Variants in ADGRB2 observed in about 807,000 individuals in gnomAD.
ADGRB2 encodes the protein brain-specific angiogenesis inhibitor 2.
In ADGRB2, 47 loss-of-function variants were observed where a neutral mutation model predicts 178.7. The observed-to-expected ratio is 0.26, with a 90% CI of 0.21 to 0.34. The LOEUF (loss-of-function observed/expected upper bound fraction) is 0.34. ADGRB2 is among the 10% of genes least tolerant of loss of function. The probability of loss-of-function intolerance (pLI) is 1.00; values close to 1 mark genes in which losing one functional copy is unlikely to be tolerated. For missense variants in ADGRB2, 1,584 were observed against 2,180.8 expected (o/e 0.73, Z 5.45); for synonymous variants, 870 against 912.4 (o/e 0.95, Z 0.84).
At chr1:31,748,943 T>A (rs552469000) in intron 4 of ADGRB2, among the ~76,000 whole-genome samples, 1 of 152,326 alleles carries the variant, frequency 6.6e-6, no homozygotes, top group South Asian at 2.1e-4. Flanking sequence ...AGAGAGAGGC[T>A]GAGGTGGGAT....
chr1:31,736,772 C>T (rs1415221499), intron 20 of ADGRB2, 49 bp from the exon 21 acceptor site: 1 of 1,579,904 alleles, frequency 6.3e-7, no homozygotes, highest in East Asian at 2.3e-5. Context: ...GCCGCCAGGG[C>T]AGGAGGCGCC....
intron 17 of ADGRB2, 50 bp from the exon 18 acceptor site, chr1:31,738,376 G>C: frequency 6.2e-7 from 1 of 1,610,332 alleles, no homozygotes; most frequent in South Asian, 1.1e-5. Context: ...ACGTGGCCCT[G>C]CCCCCAGTCC....
In ADGRB2 at chr1:31,744,871, G is replaced by T; in HGVS notation, c.839-140C>A. ...TGATGCTCTCTCAGGATCACATTCT[G>T]CCCTCTGCCCCACCACCACTATTTC... On this transcript the variant is annotated intron_variant, in intron 4 of 32. Transcript: ENST00000373658. The surrounding 1 kb of genome is among the most constrained non-coding windows in gnomAD (Gnocchi z 6.7). The T allele has an allele frequency of 1.3e-6, 1 of 787,340 alleles. No individual in the cohort carries two copies. The highest frequency in any genetic ancestry group is 2.7e-5 in the East Asian group (1 of 37,398). 48.8% of individuals were successfully genotyped at this position (787,340 alleles called of 1,614,324 possible).
At chr1:31,743,882 G>T (rs1002016602) in intron 6 of ADGRB2, among the ~76,000 whole-genome samples, 13 of 152,256 alleles carry the variant, frequency 8.5e-5, no homozygotes, top group African/African-American at 3.1e-4. Flanking sequence ...AGGTGGGAAA[G>T]TGCGCAAGCT....
chr1:31,744,575 ACC>A lies in ADGRB2; in HGVS notation c.922+71_922+72del. The A allele has an allele frequency of 6.4e-7, 1 of 1,552,328 alleles. No individual in the cohort carries two copies. Among genetic ancestry groups the A allele is most frequent in the Non-Finnish European group, 8.8e-7 (1 of 1,135,550 alleles). On this transcript the variant is annotated intron_variant, in intron 5 of 32. Coordinates refer to ENST00000373658, the MANE Select transcript of ADGRB2 (RefSeq NM_001364857.2). This position sits in a 1 kb window ranked among gnomAD's most constrained non-coding sequence, Gnocchi z 6.7. ...GCAGGACAGAGACAGACAGGCACAC[ACC>A]AAGCACACACACCACCAGACGCACA...
intron 20 of ADGRB2, among the ~76,000 whole-genome samples, chr1:31,737,166 T>A (rs1479743510): frequency 6.6e-6 from 1 of 152,116 alleles, no homozygotes; most frequent in East Asian, 1.9e-4. Flanking sequence ...GGAGGCCCAA[T>A]GCCACCTGCC....
chr1:31,734,242 A>G (rs1011011938), intron 25 of ADGRB2, among the ~76,000 whole-genome samples: 7 of 152,264 alleles, frequency 4.6e-5, no homozygotes, highest in African/African-American at 1.7e-4. Flanking sequence ...TGAACACTTT[A>G]CATATATTAC....
intron 20 of ADGRB2, 48 bp downstream of exon 20, chr1:31,737,381 C>A (rs1645673942): frequency 6.5e-7 from 1 of 1,537,840 alleles, no homozygotes; most frequent in African/African-American, 1.4e-5. Flanking sequence ...CCACCCTCAC[C>A]CCTCCACCCC....
In ADGRB2 at chr1:31,728,058, G is replaced by A. The variant is rs926944002; in HGVS notation, c.4539C>T (p.Ser1513=). The change falls in exon 32 of 33, where the codon TCC becomes TCT. Residue 1513 remains serine (S), a synonymous_variant. Coordinates refer to ENST00000373658, the MANE Select transcript of ADGRB2 (RefSeq NM_001364857.2). This position sits in a 1 kb window ranked among gnomAD's most constrained non-coding sequence, Gnocchi z 6.7. The part of the protein sequence containing the change: ...TAKREKRWSV[S]SGGAAERSVC... ...CGCTCCGCTCGGCTGCCCCACCCGA[G>A]GACACACTCCACCGCTTCTCCCTCT... The A allele has an allele frequency of 1.1e-5, 18 of 1,597,618 alleles. No individual in the cohort carries two copies. The Middle Eastern group carries it at 6.8e-4, about 60-fold the overall frequency.
At chr1:31,757,336 T>A (rs922348981) in intron 2 of ADGRB2, 46 bp downstream of exon 2, 3 of 1,326,698 alleles carry the variant, frequency 2.3e-6, no homozygotes, top group Non-Finnish European at 3.3e-6. Flanking sequence ...TTTTATAAAT[T>A]AGAGCAATTT....
At position 31,757,216 on chromosome 1, in the gene ADGRB2, C is replaced by T. The variant is rs1205375400; in HGVS notation, c.6G>A (p.Glu2=). 6.2e-7 allele frequency: 1 copy of T among 1,614,192 alleles called. No homozygotes were observed. The highest frequency in any genetic ancestry group is 8.5e-7 in the Non-Finnish European group (1 of 1,180,016). ...CCAGCCTCACCATCCAACCTGTATT[C>T]TCCATAACTCTTGCTCTCCATCCCC... is the stretch of plus-strand genomic sequence containing the variant. M[E]NTGWMGKGHR... The change falls in exon 3 of 33, where the codon GAG becomes GAA. Residue 2 remains glutamate (E), a synonymous_variant. Transcript: ENST00000373658.
In ADGRB2 at chr1:31,754,236, A is replaced by T. The variant is rs761538907; in HGVS notation, c.838+1763T>A. On this transcript the variant is annotated intron_variant, in intron 4 of 32. Transcript: ENST00000373658. The surrounding 1 kb of genome is among the most constrained non-coding windows in gnomAD (Gnocchi z 5.7). ...CAACCAACTCCTGCTTCCGGCTTCA[A>T]CCAAGCCCAGCTGGCTGCTCCTGGC... 6.6e-6 allele frequency among the ~76,000 whole-genome samples: 1 copy of T among 152,268 alleles called. No individual in the cohort carries two copies. Among genetic ancestry groups the T allele is most frequent in the Non-Finnish European group, 1.5e-5 (1 of 68,048 alleles).
chr1:31,742,501 G>A lies in ADGRB2; in HGVS notation c.1253-284C>T, dbSNP rs1285231804. Among the ~76,000 whole-genome samples the A allele has an allele frequency of 2.6e-5, 4 of 152,328 alleles. No homozygotes were observed. In the East Asian group the frequency reaches 7.7e-4, roughly 29 times the overall value. On this transcript the variant is annotated intron_variant, in intron 7 of 32. Transcript: ENST00000373658. ...GGCTAAGGGAAGGGGCTGCAGGGGT[G>A]TCTTCTGATCTTTGCCAGCACTTCA...
At position 31,735,213 on chromosome 1, in the gene ADGRB2, AG is replaced by A; in HGVS notation, c.3421del (p.Leu1141CysfsTer35). The A allele has an allele frequency of 7.0e-7, 1 of 1,433,400 alleles. No individual in the cohort carries two copies. Among genetic ancestry groups the A allele is most frequent in the Non-Finnish European group, 9.2e-7 (1 of 1,087,394 alleles). The allele number at this position is 1,433,400 out of a possible 1,614,324, so 88.8% of individuals were successfully genotyped here. ...GTTCCTGGCCGAGGCTGAGCTGAGCAGGGGGCTGGGGACCGCTCCACACGCT... is the reference window on the plus strand; with the variant it reads ...GTTCCTGGCCGAGGCTGAGCTGAGCAGGGGCTGGGGACCGCTCCACACGCT... The part of the protein sequence containing the change: ...CSACGAVPSP[L>X]LSSASARNAM... On this transcript the variant is annotated frameshift_variant, in exon 25 of 33. Transcript: ENST00000373658. LOFTEE classifies it high-confidence loss of function. The surrounding 1 kb of genome is among the most constrained non-coding windows in gnomAD (Gnocchi z 6.0).
At chr1:31,736,273 C>G in intron 22 of ADGRB2, 48 bp downstream of exon 22, 1 of 1,602,598 alleles carries the variant, frequency 6.2e-7, no homozygotes, top group Non-Finnish European at 8.5e-7. Flanking sequence ...GTCCGATTCC[C>G]TAACAGATCC....
chr1:31,731,556 G>A, intron 28 of ADGRB2, 137 bp from the exon 29 acceptor site: 1 of 1,098,010 alleles, frequency 9.1e-7, no homozygotes. Context: ...ATGGCTGGGT[G>A]GTTGGTAATC....
chr1:31,731,675 G>A (rs540946809), intron 28 of ADGRB2, among the ~76,000 whole-genome samples: 3 of 152,220 alleles, frequency 2.0e-5, no homozygotes, highest in South Asian at 2.1e-4. Context: ...TGCAGGTCCC[G>A]ACTTTGACCC....
At position 31,728,229 on chromosome 1, in the gene ADGRB2, G is replaced by C; in HGVS notation, c.4468C>G (p.Gln1490Glu). The C allele has an allele frequency of 6.2e-7, 1 of 1,614,170 alleles. No individual in the cohort carries two copies. The highest frequency in any genetic ancestry group is 8.5e-7 in the Non-Finnish European group (1 of 1,180,022). ...RHSELYHELN[Q>E]KFHTFDRYRS... ...TAGCGGTCGAAAGTGTGGAACTTCT[G>C]GTTGAGCTCGTGGTAGAGTTCTGAA... is the stretch of plus-strand genomic sequence containing the variant. Residue 1490 changes from glutamine to glutamate, a missense_variant, in exon 31 of 33, where the codon CAG becomes GAG. Transcript: ENST00000373658. This position sits in a 1 kb window ranked among gnomAD's most constrained non-coding sequence, Gnocchi z 6.7.
chr1:31,738,457 G>T, intron 17 of ADGRB2, 130 bp downstream of exon 17: 1 of 1,531,404 alleles, frequency 6.5e-7, no homozygotes, highest in East Asian at 2.4e-5. Context: ...GGGAGTCCCA[G>T]GATACGTTCT....
Sources: allele counts gnomAD v4.1 joint callset (sites outside exome capture counted in the v4.1 genomes callset), GRCh38; gene constraint gnomAD v4.1.1; non-coding constraint Gnocchi (gnomAD v3.1); transcripts MANE v1.5; gene names NCBI Gene and HGNC (gene_info 2026-07-23, HGNC 2026-07-21).